PRKCH: variants seen among roughly 807,000 people sequenced by gnomAD.
The protein encoded by PRKCH is protein kinase C eta type.
In PRKCH, 28 loss-of-function variants were observed where a neutral mutation model predicts 82.5. That is an observed-to-expected ratio of 0.34 (90% CI 0.25 to 0.47). The LOEUF (loss-of-function observed/expected upper bound fraction) is 0.47, where lower values mean the gene tolerates loss of function less well. Ranked by LOEUF, PRKCH falls within the 20% of genes least tolerant of loss-of-function variation. The pLI, the probability that PRKCH is intolerant of heterozygous loss-of-function variation, is 1.00. For synonymous variants in PRKCH, 322 were observed against 327.4 expected (o/e 0.98, Z 0.18); for missense variants, 705 against 881.8 (o/e 0.80, Z 2.54).
At chr14:61,499,956 A>G (rs1306894199) in intron 10 of PRKCH, among the ~76,000 whole-genome samples, 1 of 151,622 alleles carries the variant, frequency 6.6e-6, no homozygotes, top group Non-Finnish European at 1.5e-5. Context: ...GGGTCTCCCA[A>G]TCTAGTTTAC....
intron 1 of PRKCH, among the ~76,000 whole-genome samples, chr14:61,311,448 A>T (rs960871032): frequency 2.6e-5 from 4 of 152,296 alleles, no homozygotes; most frequent in Admixed American, 6.5e-5. Context: ...TGTCCATATC[A>T]CTACCAGCAT....
Position 61,449,314 on chromosome 14 carries a change from GTC to G in PRKCH, c.702+69_702+70del, listed in dbSNP as rs985438315. On this transcript the variant is annotated intron_variant, in intron 5 of 13. Coordinates refer to ENST00000332981, the MANE Select transcript of PRKCH (RefSeq NM_006255.5). ...TGTATTGTGTATGCTGTGTACCGCC[GTC>G]TCTCTCCCTCCCTCCCTCCTTTCCT... 1.3e-5 allele frequency: 18 copies of G among 1,406,162 alleles called. No homozygotes were observed. The African/African-American group carries it at 2.6e-4, about 20-fold the overall frequency. The allele number at this position is 1,406,162 out of a possible 1,614,324, so 87.1% of individuals were successfully genotyped here.
At chr14:61,297,129 T>C (rs896094631) in intron 1 of PRKCH, among the ~76,000 whole-genome samples, 4 of 152,228 alleles carry the variant, frequency 2.6e-5, no homozygotes, top group African/African-American at 4.8e-5. Flanking sequence ...GCACTGTGCA[T>C]CTCAAATATG....
intron 1 of PRKCH, among the ~76,000 whole-genome samples, chr14:61,377,022 A>G (rs2046435801): frequency 6.6e-6 from 1 of 152,190 alleles, no homozygotes; most frequent in African/African-American, 2.4e-5. Context: ...TAATGTAAGG[A>G]TGACCTTTCC....
chr14:61,345,291 C>T (rs527306451), intron 1 of PRKCH, among the ~76,000 whole-genome samples: 4 of 152,248 alleles, frequency 2.6e-5, no homozygotes, highest in African/African-American at 9.6e-5. Context: ...TGGTTATAAA[C>T]GTACTTAGTT....
intron 10 of PRKCH, among the ~76,000 whole-genome samples, chr14:61,508,121 C>T (rs1228763634): frequency 6.6e-6 from 1 of 151,984 alleles, no homozygotes; most frequent in Non-Finnish European, 1.5e-5. Flanking sequence ...TTTAAAAATC[C>T]TCTTCCCTTT....
At chr14:61,502,049 TCTTTTCTTTTCTTTTC>T (rs1886932210) in intron 10 of PRKCH, among the ~76,000 whole-genome samples, 1 of 101,828 alleles carries the variant, frequency 9.8e-6, no homozygotes, top group South Asian at 3.7e-4. Flanking sequence ...TCTTTTCTTT[TCTTTTCTTTTCTTTTC>T]TTTTTTTTTT....
At chr14:61,497,583 T>C (rs1886726323) in intron 10 of PRKCH, among the ~76,000 whole-genome samples, 1 of 152,182 alleles carries the variant, frequency 6.6e-6, no homozygotes, top group Non-Finnish European at 1.5e-5. Flanking sequence ...CTCCAAATAC[T>C]ATATGGAACA....
intron 1 of PRKCH, among the ~76,000 whole-genome samples, chr14:61,336,509 A>G (rs979986084): frequency 4.6e-5 from 7 of 152,228 alleles, no homozygotes; most frequent in Non-Finnish European, 8.8e-5. Flanking sequence ...CTTATTCAAT[A>G]TTGGACAGCA....
intron 1 of PRKCH, among the ~76,000 whole-genome samples, chr14:61,284,434 T>C (rs2045297171): frequency 6.6e-6 from 1 of 152,196 alleles, no homozygotes; most frequent in Non-Finnish European, 1.5e-5. Flanking sequence ...ATAATGTTAA[T>C]TGGCAGGTGC....
At chr14:61,443,034 C>T (rs1884050593) in intron 2 of PRKCH, 77 bp from the exon 3 acceptor site, 2 of 1,390,122 alleles carry the variant, frequency 1.4e-6, no homozygotes, top group East Asian at 2.3e-5. Flanking sequence ...AGCACTTGAA[C>T]TATCAAACTT....
intron 1 of PRKCH, among the ~76,000 whole-genome samples, chr14:61,223,641 A>G (rs1346459022): frequency 1.3e-5 from 2 of 152,214 alleles, no homozygotes; most frequent in African/African-American, 4.8e-5. Flanking sequence ...TAGGACTCAG[A>G]TCTGTAATAT....
intron 1 of PRKCH, among the ~76,000 whole-genome samples, chr14:61,260,609 G>A (rs139090862): frequency 6.6e-6 from 1 of 152,280 alleles, no homozygotes; most frequent in East Asian, 1.9e-4. Context: ...GTAAATCACA[G>A]TTAACTTTAT....
At chr14:61,482,140 G>A (rs889279737) in intron 9 of PRKCH, among the ~76,000 whole-genome samples, 4 of 151,902 alleles carry the variant, frequency 2.6e-5, no homozygotes, top group Non-Finnish European at 5.9e-5. Flanking sequence ...AATTAGAGGT[G>A]CATGCCACCA....
At chr14:61,381,054 G>T (rs1330491437) in intron 1 of PRKCH, among the ~76,000 whole-genome samples, 2 of 152,316 alleles carry the variant, frequency 1.3e-5, no homozygotes, top group African/African-American at 4.8e-5. Flanking sequence ...GTAGTCTTCA[G>T]ATGTCTACTT....
rs145459145 is a variant in PRKCH at position 61,469,557 on chromosome 14, G to A, written c.1278+11878G>A. 2.5e-4 allele frequency among the ~76,000 whole-genome samples: 38 copies of A among 152,318 alleles called. No homozygotes were observed. In the East Asian group the frequency reaches 7.3e-3, roughly 29 times the overall value. ...GGGACTGCCAGGTAGGACCTGAAGC[G>A]GCTGCCAAGGGGCTGCCACCCCACC... is the stretch of plus-strand genomic sequence containing the variant. On this transcript the variant is annotated intron_variant, in intron 9 of 13. Coordinates refer to ENST00000332981, the MANE Select transcript of PRKCH (RefSeq NM_006255.5).
At chr14:61,430,196 G>A (rs535587974) in intron 2 of PRKCH, among the ~76,000 whole-genome samples, 1 of 152,238 alleles carries the variant, frequency 6.6e-6, no homozygotes, top group Non-Finnish European at 1.5e-5. Context: ...AAATATGAAT[G>A]GGCAATACAC....
intron 1 of PRKCH, among the ~76,000 whole-genome samples, chr14:61,203,842 A>AAAT (rs201887509): frequency 0.024 from 3,685 of 151,716 alleles, 64 homozygotes; most frequent in Middle Eastern, 0.058. Context: ...CCCCGTCTCA[A>AAAT]AATAATAATA....
chr14:61,262,219 T>TAAAAAAAAAAAAA lies in PRKCH; in HGVS notation c.-19+74552_-19+74564dup, dbSNP rs1297799647. 7.0e-4 allele frequency among the ~76,000 whole-genome samples: 75 copies of TAAAAAAAAAAAAA among 106,510 alleles called. 2 individuals are homozygous for TAAAAAAAAAAAAA. The highest frequency in any genetic ancestry group is 9.0e-4 in the African/African-American group (22 of 24,492). 69.9% of individuals were successfully genotyped at this position (106,510 alleles called of 152,430 possible). ...CTCAGTGACAGAGTGAGACTCTGTA[T>TAAAAAAAAAAAAA]AAAAAAAAAAAAAGAATATTCAGAG... On this transcript the variant is annotated intron_variant, in intron 1 of 3. Transcript: ENST00000555185.
Sources: allele counts gnomAD v4.1 joint callset (sites outside exome capture counted in the v4.1 genomes callset), GRCh38; gene constraint gnomAD v4.1.1; transcripts MANE v1.5; gene names NCBI Gene and HGNC (gene_info 2026-07-23, HGNC 2026-07-21).